VPS35L: variants seen among roughly 807,000 people sequenced by gnomAD.
VPS35L encodes the protein VPS35 endosomal protein sorting factor like.
VPS35L carries 83 observed loss-of-function variants against 133.0 expected under a neutral mutation model. The observed-to-expected ratio is 0.62, with a 90% CI of 0.52 to 0.75. VPS35L has a LOEUF of 0.75. Ranked by LOEUF, VPS35L falls within the 30% of genes least tolerant of loss-of-function variation. The pLI, the probability that VPS35L is intolerant of heterozygous loss-of-function variation, is 0.00. For missense variants in VPS35L, 1,083 were observed against 1,206.8 expected (o/e 0.90, Z 1.52); for synonymous variants, 423 against 449.9 (o/e 0.94, Z 0.76).
rs553776085 is a variant in VPS35L at position 19,674,640 on chromosome 16, CAT to C, written c.2361+5343_2361+5344del. ...TACGTGTACAATACATTACTATTGACATAGAAACTGTGCTGTGTAGCAGATCT... is the reference window on the plus strand; with the variant it reads ...TACGTGTACAATACATTACTATTGACAGAAACTGTGCTGTGTAGCAGATCT... On this transcript the variant is annotated intron_variant, in intron 27 of 30. Coordinates refer to ENST00000417362, the MANE Select transcript of VPS35L (RefSeq NM_020314.7). Among the ~76,000 whole-genome samples, 225 of 152,304 alleles carry C rather than the reference CAT, an allele frequency of 1.5e-3. 3 individuals are homozygous for C. The highest frequency in any genetic ancestry group is 1.9e-3 in the Non-Finnish European group (126 of 68,022).
intron 21 of VPS35L, among the ~76,000 whole-genome samples, chr16:19,640,739 A>C (rs1973762097): frequency 6.6e-6 from 1 of 152,222 alleles, no homozygotes; most frequent in Admixed American, 6.5e-5. Context: ...GGTGCATGGA[A>C]AAAAGGTGTT....
At chr16:19,698,839 T>A (rs1242144547) in intron 29 of VPS35L, among the ~76,000 whole-genome samples, 1 of 152,202 alleles carries the variant, frequency 6.6e-6, no homozygotes, top group Non-Finnish European at 1.5e-5. Flanking sequence ...CTCCTGGGCC[T>A]GGTGTTGCAT....
In VPS35L at chr16:19,611,364, C is replaced by G. The variant is rs1306680372; in HGVS notation, c.1023+949C>G. The stretch of plus-strand genomic sequence containing the variant: ...GGGCTTTGCCTCTGTCAGGACTCCC[C>G]CTAGCAACGAGAATCTTCCCTATCG... On this transcript the variant is annotated intron_variant, in intron 12 of 30. Transcript: ENST00000417362. 2.0e-5 allele frequency among the ~76,000 whole-genome samples: 3 copies of G among 152,202 alleles called. No homozygotes were observed. The South Asian group carries it at 6.2e-4, about 32-fold the overall frequency.
At chr16:19,583,651 G>A (rs6497387) in intron 7 of VPS35L, among the ~76,000 whole-genome samples, 2,684 of 151,766 alleles carry the variant, frequency 0.018, 92 homozygotes, top group African/African-American at 0.062. Flanking sequence ...GAACATGGGA[G>A]GTGGAGGTTG....
chr16:19,651,576 TAAA>T (rs200171543), intron 25 of VPS35L, among the ~76,000 whole-genome samples: 1 of 152,156 alleles, frequency 6.6e-6, no homozygotes, highest in African/African-American at 2.4e-5. Flanking sequence ...AAGATTACAG[TAAA>T]AAATAAGCAT....
intron 26 of VPS35L, among the ~76,000 whole-genome samples, chr16:19,658,687 G>GA (rs57632422): frequency 1.8e-4 from 27 of 148,150 alleles, no homozygotes; most frequent in Non-Finnish European, 2.7e-4. Flanking sequence ...CTTGAAAGAG[G>GA]AAAAAAAAAA....
chr16:19,685,839 C>A (rs915467236), intron 28 of VPS35L, among the ~76,000 whole-genome samples: 1 of 152,076 alleles, frequency 6.6e-6, no homozygotes, highest in African/African-American at 2.4e-5. Context: ...CTTTGAGGAC[C>A]AGACAGAGAC....
intron 27 of VPS35L, among the ~76,000 whole-genome samples, chr16:19,678,667 G>C (rs920984918): frequency 1.3e-5 from 2 of 151,778 alleles, no homozygotes; most frequent in African/African-American, 4.8e-5. Flanking sequence ...TAGTATAGAT[G>C]GGGTTTCACC....
chr16:19,700,773 G>T lies in VPS35L; in HGVS notation c.*297G>T. ...GGCCTTTTTAGCAAGAGAGAAACAA[G>T]AATGCAAGTAACATCTTTCTTCTCT... On this transcript the variant is annotated 3_prime_UTR_variant, in exon 31 of 31. Transcript: ENST00000417362. 1 of 327,840 alleles carries T rather than the reference G, an allele frequency of 3.1e-6. No homozygotes were observed. The allele number at this position is 327,840 out of a possible 1,614,324, so 20.3% of individuals were successfully genotyped here.
chr16:19,631,089 G>A (rs75819549), intron 18 of VPS35L, among the ~76,000 whole-genome samples: 10,139 of 152,126 alleles, frequency 0.067, 731 homozygotes, highest in African/African-American at 0.17. Context: ...AGAAGATGCC[G>A]TTTGTGAGGA....
chr16:19,610,248 T>A (rs1972668893), intron 11 of VPS35L, 74 bp from the exon 12 acceptor site: 2 of 1,288,230 alleles, frequency 1.6e-6, no homozygotes, highest in African/African-American at 1.5e-5. Flanking sequence ...GAAGTCTTTA[T>A]CTTTATTTAA....
At chr16:19,556,810 G>GTTT (rs367612131) in intron 1 of VPS35L, among the ~76,000 whole-genome samples, 24 of 142,880 alleles carry the variant, frequency 1.7e-4, no homozygotes, top group Non-Finnish European at 2.1e-4. Context: ...ACACCCTGAG[G>GTTT]TTTTTTTTTT....
At position 19,633,801 on chromosome 16, in the gene VPS35L, G is replaced by C. The variant is rs938630585; in HGVS notation, c.1635+629G>C. 6.6e-6 allele frequency among the ~76,000 whole-genome samples: 1 copy of C among 152,026 alleles called. No homozygotes were observed. Among genetic ancestry groups the C allele is most frequent in the East Asian group, 1.9e-4 (1 of 5,170 alleles). ...TGCCCAGGCTGGAGTGCAGTGGTGC[G>C]ATCTTGGCTCATTGCAACCTCCACC... On this transcript the variant is annotated intron_variant, in intron 19 of 30. Transcript: ENST00000417362. The surrounding 1 kb of genome is among the most constrained non-coding windows in gnomAD (Gnocchi z 4.1).
At chr16:19,567,774 G>A (rs1971233185) in intron 2 of VPS35L, among the ~76,000 whole-genome samples, 1 of 152,086 alleles carries the variant, frequency 6.6e-6, no homozygotes, top group African/African-American at 2.4e-5. Context: ...TTCGAGAACA[G>A]CCTTGGCAAC....
chr16:19,601,174 C>T (rs1180777785), intron 8 of VPS35L, among the ~76,000 whole-genome samples: 1 of 152,220 alleles, frequency 6.6e-6, no homozygotes, highest in Non-Finnish European at 1.5e-5. Flanking sequence ...AGCAGTCTTC[C>T]TGCCTCGGCT....
intron 29 of VPS35L, among the ~76,000 whole-genome samples, chr16:19,693,538 T>C (rs1975780041): frequency 6.6e-6 from 1 of 152,020 alleles, no homozygotes; most frequent in African/African-American, 2.4e-5. Context: ...CCCAGCACTT[T>C]GGGAGGCTGA....
chr16:19,585,209 G>A (rs1399071518), intron 7 of VPS35L, among the ~76,000 whole-genome samples: 3 of 152,018 alleles, frequency 2.0e-5, no homozygotes, highest in Non-Finnish European at 2.9e-5. Flanking sequence ...AATTATTTGC[G>A]TGGACTTACA....
At chr16:19,600,048 A>C (rs987521390) in intron 8 of VPS35L, among the ~76,000 whole-genome samples, 5 of 152,158 alleles carry the variant, frequency 3.3e-5, no homozygotes, top group African/African-American at 1.2e-4. Flanking sequence ...TAAGTGAATG[A>C]AGGAATGAAT....
intron 22 of VPS35L, 132 bp from the exon 23 acceptor site, chr16:19,644,754 G>T (rs1295354755): frequency 3.9e-6 from 2 of 509,770 alleles, no homozygotes; most frequent in Non-Finnish European, 6.8e-6. Flanking sequence ...TAAGCAGCCT[G>T]TTGGCAGTTT....
Sources: gnomAD v4.1 joint callset for allele counts (sites outside exome capture counted in the v4.1 genomes callset) on GRCh38, gnomAD v4.1.1 for gene constraint, Gnocchi (gnomAD v3.1) non-coding constraint, MANE v1.5 for transcripts, NCBI Gene and HGNC (gene_info 2026-07-23, HGNC 2026-07-21) for gene names.